CA4: variants seen among roughly 807,000 people sequenced by gnomAD.
CA4 encodes the protein CA-IV.
In CA4, 24 loss-of-function variants were observed where a neutral mutation model predicts 34.5. That is an observed-to-expected ratio of 0.70 (90% confidence interval 0.50 to 0.98). CA4 has a LOEUF of 0.98. Among genes scored for constraint, CA4 ranks in the 50% least tolerant of loss-of-function variants. The probability of loss-of-function intolerance (pLI) is 0.00; values close to 1 mark genes in which losing one functional copy is unlikely to be tolerated. For missense variants in CA4, 394 were observed against 396.7 expected, an observed-to-expected ratio of 0.99 and a Z score of 0.06; for synonymous variants, 178 against 170.6, an observed-to-expected ratio of 1.04 and a Z score of -0.34.
chr17:60,178,415 C>T, the CA4 span, among the ~76,000 whole-genome samples: 1 of 152,204 alleles, frequency 6.6e-6, no homozygotes, highest in African/African-American at 2.4e-5. Context: ...CAACTGCTCC[C>T]CTTCCCTCAG....
At chr17:60,173,191 T>A (rs924895152), downstream of CA4, among the ~76,000 whole-genome samples, 11 of 152,226 alleles carry the variant, frequency 7.2e-5, no homozygotes, top group African/African-American at 2.6e-4. Flanking sequence ...AATAAATACA[T>A]AAATAAAATG....
intron 1 of CA4, among the ~76,000 whole-genome samples, chr17:60,152,068 G>C (rs557941433): frequency 5.3e-5 from 8 of 152,086 alleles, no homozygotes; most frequent in Non-Finnish European, 7.4e-5. Context: ...AGGGGTGGCA[G>C]GTCAGTCAGT....
rs938410015 is a variant in CA4 at position 60,156,415 on chromosome 17, A to G, written c.113-145A>G. On this transcript the variant is annotated intron_variant, in intron 2 of 7. Coordinates refer to ENST00000300900, the MANE Select transcript of CA4 (RefSeq NM_000717.5). ...AGGGCGAGAGTGGAGTTCGGAGCTGAGCATCCCTGCAGCACAGCCTTCAGG... is the reference window on the plus strand; with the variant it reads ...AGGGCGAGAGTGGAGTTCGGAGCTGGGCATCCCTGCAGCACAGCCTTCAGG... The G allele has an allele frequency of 3.7e-6, 3 of 810,224 alleles. No homozygotes were observed. The African/African-American group carries it at 5.0e-5, about 14-fold the overall frequency. 50.2% of individuals were successfully genotyped at this position (810,224 alleles called of 1,614,324 possible).
chr17:60,164,517 G>A (rs970873667), downstream of CA4, among the ~76,000 whole-genome samples: 3 of 151,962 alleles, frequency 2.0e-5, no homozygotes, highest in Non-Finnish European at 4.4e-5. Context: ...AGCCTTTCGA[G>A]TAGCTGGTAC....
At chr17:60,162,911 G>A (rs2145293764), downstream of CA4, among the ~76,000 whole-genome samples, 1 of 152,310 alleles carries the variant, frequency 6.6e-6, no homozygotes, top group African/African-American at 2.4e-5. Context: ...GTGTCCAGGG[G>A]CAGGGTGGGG....
chr17:60,178,554 C>A, the CA4 span, among the ~76,000 whole-genome samples: 1 of 152,194 alleles, frequency 6.6e-6, no homozygotes, highest in Non-Finnish European at 1.5e-5. Flanking sequence ...TACTGGGTCT[C>A]CCACAAGGCT....
downstream of CA4, among the ~76,000 whole-genome samples, chr17:60,161,464 C>G (rs924258309): frequency 6.6e-6 from 1 of 152,162 alleles, no homozygotes; most frequent in Non-Finnish European, 1.5e-5. Flanking sequence ...GCTGAGAGTC[C>G]GGAGGTAGAG....
Position 60,159,445 on chromosome 17 carries a change from CCT to C in CA4, c.*26_*27del, listed in dbSNP as rs2145283900. On this transcript the variant is annotated 3_prime_UTR_variant, in exon 8 of 8. Coordinates refer to ENST00000300900, the MANE Select transcript of CA4 (RefSeq NM_000717.5). ...GATGATGGCTCACTTCTGCACGCAG[CCT>C]CTCTGTTGCCTCAGCTCTCCAAGTT... The C allele has an allele frequency of 6.2e-7, 1 of 1,607,586 alleles. No homozygotes were observed.
At chr17:60,151,173 C>G (rs1290913836) in intron 1 of CA4, among the ~76,000 whole-genome samples, 3 of 152,126 alleles carry the variant, frequency 2.0e-5, no homozygotes, top group African/African-American at 7.2e-5. Context: ...CGGAAGACCC[C>G]CTCTGCCAGT....
At chr17:60,175,197 T>A (rs1349162522), downstream of CA4, among the ~76,000 whole-genome samples, 1 of 149,022 alleles carries the variant, frequency 6.7e-6, no homozygotes, top group Non-Finnish European at 1.5e-5. Context: ...TGATTTTTTT[T>A]TTTTTTTTTT....
intron 1 of CA4, 86 bp downstream of exon 1, chr17:60,150,178 G>A: frequency 1.7e-6 from 2 of 1,183,900 alleles, no homozygotes; most frequent in East Asian, 2.6e-5. Flanking sequence ...ATCCCCCCGC[G>A]GGCGACCGGT....
chr17:60,153,858 G>T (rs532110832), intron 1 of CA4, among the ~76,000 whole-genome samples: 1 of 152,206 alleles, frequency 6.6e-6, no homozygotes, highest in East Asian at 1.9e-4. Context: ...TGGGCCATCA[G>T]GGGGAGGACA....
chr17:60,159,551 T>C, downstream of CA4: 26 of 1,104,440 alleles, frequency 2.4e-5, 1 homozygote, highest in South Asian at 3.5e-4. Context: ...GAGAAACCTT[T>C]CTCAAGTGTG....
intron 3 of CA4, 48 bp from the exon 4 acceptor site, chr17:60,157,379 A>C: frequency 1.3e-6 from 2 of 1,593,144 alleles, no homozygotes; most frequent in Non-Finnish European, 1.7e-6. Context: ...GAGCTAGAGG[A>C]GGCTGAGGGA....
At chr17:60,162,437 C>A (rs539369117), downstream of CA4, among the ~76,000 whole-genome samples, 2 of 152,012 alleles carry the variant, frequency 1.3e-5, no homozygotes, top group Non-Finnish European at 2.9e-5. Context: ...TGAGACAGTT[C>A]CCTCTGAGGG....
At chr17:60,178,448 G>A in the CA4 span, among the ~76,000 whole-genome samples, 1 of 152,190 alleles carries the variant, frequency 6.6e-6, no homozygotes, top group East Asian at 1.9e-4. Flanking sequence ...CGGGGGTGCA[G>A]AATACATTTC....
chr17:60,158,941 G>C, intron 7 of CA4: 1 of 501,404 alleles, frequency 2.0e-6, no homozygotes, highest in South Asian at 2.2e-5. Flanking sequence ...GCATGCTCAA[G>C]TTTGAGAGCC....
intron 2 of CA4, 22 bp downstream of exon 2, chr17:60,155,389 G>C (rs375687476): frequency 6.3e-7 from 1 of 1,593,830 alleles, no homozygotes; most frequent in African/African-American, 1.3e-5. Flanking sequence ...CAGTCCAGGG[G>C]ACTGCTCTTT....
chr17:60,155,006 A>C (rs2083652580), intron 1 of CA4, among the ~76,000 whole-genome samples: 1 of 152,092 alleles, frequency 6.6e-6, no homozygotes, highest in Non-Finnish European at 1.5e-5. Flanking sequence ...TGACCAAAGG[A>C]TGGAGTATCC....
Sources: gnomAD v4.1 joint callset for allele counts (sites outside exome capture counted in the v4.1 genomes callset) on GRCh38, gnomAD v4.1.1 for gene constraint, MANE v1.5 for transcripts, NCBI Gene and HGNC (gene_info 2026-07-23, HGNC 2026-07-21) for gene names.